Variants in TMEM131L observed in about 807,000 individuals in gnomAD.
The protein encoded by TMEM131L is transmembrane 131 like, also known as transmembrane protein 131-like.
TMEM131L carries 54 observed loss-of-function variants against 192.2 expected under a neutral mutation model. The ratio of observed to expected loss-of-function variants is 0.28; its 90% CI spans 0.23 to 0.35. The LOEUF is 0.35. Among genes scored for constraint, TMEM131L ranks in the 10% least tolerant of loss-of-function variants. The pLI is 1.00. For missense variants in TMEM131L, 1,888 were observed against 1,972.9 expected (o/e 0.96, Z 0.82); for synonymous variants, 701 against 704.9 (o/e 0.99, Z 0.09).
chr4:153,484,081 AG>A, intron 3 of TMEM131L, among the ~76,000 whole-genome samples: 1 of 152,310 alleles, frequency 6.6e-6, no homozygotes, highest in South Asian at 2.1e-4. Context: ...TTCTCTGTCT[AG>A]GAACACCAAT....
chr4:153,473,778 C>A, intron 2 of TMEM131L, 67 bp from the exon 3 acceptor site: 3 of 1,302,756 alleles, frequency 2.3e-6, no homozygotes, highest in South Asian at 2.7e-5. Flanking sequence ...GGTGACAGAG[C>A]GAGACTCTGT....
intron 3 of TMEM131L, among the ~76,000 whole-genome samples, chr4:153,519,763 ATTTC>A (rs1734979606): frequency 6.6e-6 from 1 of 152,206 alleles, no homozygotes; most frequent in African/African-American, 2.4e-5. Flanking sequence ...TTCACTCTGC[ATTTC>A]TAGGAAGATG....
At chr4:153,567,613 C>T (rs943215353) in intron 7 of TMEM131L, among the ~76,000 whole-genome samples, 3 of 151,124 alleles carry the variant, frequency 2.0e-5, no homozygotes, top group African/African-American at 4.9e-5. Context: ...GGCACGATCT[C>T]GGCTCACTGC....
rs34507956 is a variant in TMEM131L at position 153,600,368 on chromosome 4, G to GA, written c.2266+1651dup. On this transcript the variant is annotated intron_variant, in intron 21 of 34. Transcript: ENST00000409959. ...GGTGACAGAGTGAGACCCTGTCTCA[G>GA]AAAAAAAAAAAAAAACATCAAAAAT... is the stretch of plus-strand genomic sequence containing the variant. Among the ~76,000 whole-genome samples the GA allele has an allele frequency of 3.0e-3, 381 of 125,594 alleles. 2 individuals carry two copies. The highest frequency in any genetic ancestry group is 8.3e-3 in the Middle Eastern group (2 of 240). The allele number at this position is 125,594 out of a possible 152,430, so 82.4% of individuals were successfully genotyped here.
At chr4:153,610,156 A>T (rs1561241170) in intron 25 of TMEM131L, among the ~76,000 whole-genome samples, 1 of 152,224 alleles carries the variant, frequency 6.6e-6, no homozygotes, top group Non-Finnish European at 1.5e-5. Flanking sequence ...GTTGTGTCCC[A>T]GCAGTCCTCT....
chr4:153,539,184 GA>G (rs376083505), intron 3 of TMEM131L, among the ~76,000 whole-genome samples: 29 of 152,086 alleles, frequency 1.9e-4, no homozygotes, highest in African/African-American at 6.3e-4. Flanking sequence ...GGGGGAGGCG[GA>G]AAAAAACCCA....
At chr4:153,490,802 A>C (rs1371064657) in intron 3 of TMEM131L, among the ~76,000 whole-genome samples, 3 of 152,000 alleles carry the variant, frequency 2.0e-5, no homozygotes, top group Non-Finnish European at 2.9e-5. Flanking sequence ...AAAAATAAAA[A>C]TATTAGCCAG....
At chr4:153,582,433 G>GTTTTTTT (rs1038256479) in intron 9 of TMEM131L, among the ~76,000 whole-genome samples, 36 of 40,330 alleles carry the variant, frequency 8.9e-4, no homozygotes, top group Non-Finnish European at 1.3e-3. Context: ...TTTTTTTGTT[G>GTTTTTTT]TTTTTTTTTT....
chr4:153,558,403 C>T, intron 7 of TMEM131L, 35 bp downstream of exon 7: 1 of 1,312,846 alleles, frequency 7.6e-7, no homozygotes. Flanking sequence ...ATGCTGGTGG[C>T]CACCAAACTT....
chr4:153,563,485 T>TG (rs1728982756), intron 7 of TMEM131L, among the ~76,000 whole-genome samples: 1 of 134,992 alleles, frequency 7.4e-6, no homozygotes, highest in Non-Finnish European at 1.5e-5. Context: ...TTTTTTTTTT[T>TG]GAGACAGGGT....
intron 25 of TMEM131L, among the ~76,000 whole-genome samples, chr4:153,607,562 A>G (rs1477386510): frequency 6.6e-6 from 1 of 152,178 alleles, no homozygotes. Flanking sequence ...AAGTATACAA[A>G]TGGTCTGTAG....
intron 7 of TMEM131L, among the ~76,000 whole-genome samples, chr4:153,575,344 A>T (rs1264079190): frequency 6.6e-6 from 1 of 152,200 alleles, no homozygotes; most frequent in African/African-American, 2.4e-5. Flanking sequence ...AATACATGAC[A>T]TACAAAAGGA....
chr4:153,480,052 A>G (rs1580022583), intron 3 of TMEM131L, among the ~76,000 whole-genome samples: 1 of 152,180 alleles, frequency 6.6e-6, no homozygotes, highest in African/African-American at 2.4e-5. Flanking sequence ...TAAAAATACA[A>G]AAATAGGCTG....
chr4:153,485,522 A>C (rs1732268812), intron 3 of TMEM131L, among the ~76,000 whole-genome samples: 1 of 152,212 alleles, frequency 6.6e-6, no homozygotes, highest in South Asian at 2.1e-4. Flanking sequence ...TGGCCTGCCA[A>C]GTGAACCATG....
At chr4:153,531,255 T>C (rs1735881472) in intron 3 of TMEM131L, among the ~76,000 whole-genome samples, 1 of 152,220 alleles carries the variant, frequency 6.6e-6, no homozygotes, top group Admixed American at 6.5e-5. Context: ...GGGGAAGTGC[T>C]GGAACCCTTG....
intron 3 of TMEM131L, among the ~76,000 whole-genome samples, chr4:153,541,635 C>A (rs1019179616): frequency 6.6e-6 from 1 of 152,170 alleles, no homozygotes; most frequent in African/African-American, 2.4e-5. Context: ...GAGTCTAGGC[C>A]ACAGATACAC....
chr4:153,635,321 G>T (rs974211038), intron 33 of TMEM131L, 111 bp from the exon 34 acceptor site: 2 of 962,912 alleles, frequency 2.1e-6, no homozygotes, highest in African/African-American at 3.3e-5. Context: ...AAGTATTTAT[G>T]TCTGTAACTT....
chr4:153,593,755 G>T, intron 18 of TMEM131L, 44 bp from the exon 19 acceptor site: 1 of 1,227,734 alleles, frequency 8.1e-7, no homozygotes, highest in Non-Finnish European at 1.2e-6. Flanking sequence ...TTCTTTACTG[G>T]CAGATGTGAG....
At position 153,602,301 on chromosome 4, in the gene TMEM131L, T is replaced by A. The variant is rs1315698922; in HGVS notation, c.2416T>A (p.Ser806Thr). 6.2e-7 allele frequency: 1 copy of A among 1,613,646 alleles called. No individual in the cohort carries two copies. Among genetic ancestry groups the A allele is most frequent in the East Asian group, 2.2e-5 (1 of 44,888 alleles). Residue 806 changes from serine (S) to threonine (T), a missense_variant, in exon 22 of 35, where the codon TCC becomes ACC. Transcript: ENST00000409959. ...CGAGGTGCTGGATTGTCATCAGTTT[T>A]CCCTGGACCCAAACACATCCCGCGA... The part of the protein sequence containing the change: ...GFEVLDCHQF[S>T]LDPNTSRDIS...
Sources: allele counts gnomAD v4.1 joint callset (sites outside exome capture counted in the v4.1 genomes callset), GRCh38; gene constraint gnomAD v4.1.1; transcripts MANE v1.5; gene names NCBI Gene and HGNC (gene_info 2026-07-23, HGNC 2026-07-21).